The following ADGRB3 variants were observed in gnomAD, a reference collection of about 807,000 sequenced individuals.
ADGRB3 encodes the protein brain-specific angiogenesis inhibitor 3.
A neutral mutation model predicts 193.4 loss-of-function variants in ADGRB3; 37 were observed. The ratio of observed to expected loss-of-function variants is 0.19; its 90% CI spans 0.15 to 0.25. ADGRB3 has a LOEUF of 0.25. Among genes scored for constraint, ADGRB3 ranks in the 10% least tolerant of loss-of-function variants. The pLI is 1.00. For synonymous variants in ADGRB3, 690 were observed against 644.2 expected (o/e 1.07, Z -1.08); for missense variants, 1,637 against 1,852.9 (o/e 0.88, Z 2.14).
intron 13 of ADGRB3, among the ~76,000 whole-genome samples, chr6:69,035,262 A>G (rs7770947): frequency 0.24 from 36,741 of 151,986 alleles, 4,698 homozygotes; most frequent in African/African-American, 0.26. Context: ...TATTGCTGCT[A>G]TTGCCCCTTT....
chr6:69,050,307 A>G (rs1364446945), intron 15 of ADGRB3, among the ~76,000 whole-genome samples: 2 of 152,178 alleles, frequency 1.3e-5, no homozygotes, highest in African/African-American at 4.8e-5. Flanking sequence ...CACGTTATTA[A>G]TATAGGTGGA....
At chr6:69,083,420 A>G (rs528625715) in intron 17 of ADGRB3, among the ~76,000 whole-genome samples, 1 of 152,306 alleles carries the variant, frequency 6.6e-6, no homozygotes, top group South Asian at 2.1e-4. Flanking sequence ...TTGAGAACCT[A>G]TTATTTGTTC....
In ADGRB3 at chr6:69,332,975, G is replaced by A. The variant is rs771704156; in HGVS notation, c.3155G>A (p.Gly1052Glu). ...LVFNKLVSRD[G>E]ILDKKLKHRA... ...TTTAATAAACTTGTTTCCAGAGATGGAATCCTAGATAAAAAGCTCAAACAC... is the reference window on the plus strand; with the variant it reads ...TTTAATAAACTTGTTTCCAGAGATGAAATCCTAGATAAAAAGCTCAAACAC... The change falls in exon 24 of 32, where the codon GGA becomes GAA. Residue 1052 changes from glycine to glutamate, a missense_variant. Physicochemically the swap from Gly to Glu is moderately conservative, Grantham distance 98. This residue lies in a region of ADGRB3 where 56 missense variants were observed against 53.3 expected (regional missense o/e 1.05). Coordinates refer to ENST00000370598, the MANE Select transcript of ADGRB3 (RefSeq NM_001704.3). The A allele has an allele frequency of 9.3e-6, 15 of 1,613,646 alleles. No homozygotes were observed. The African/African-American group carries it at 1.2e-4, about 13-fold the overall frequency.
intron 3 of ADGRB3, among the ~76,000 whole-genome samples, chr6:68,833,028 A>T (rs530213243): frequency 2.6e-5 from 4 of 152,236 alleles, no homozygotes; most frequent in African/African-American, 9.6e-5. Flanking sequence ...TGATCAGCCC[A>T]TTTAAGACAA....
At chr6:68,875,670 G>A (rs1765577590) in intron 3 of ADGRB3, among the ~76,000 whole-genome samples, 1 of 151,888 alleles carries the variant, frequency 6.6e-6, no homozygotes, top group South Asian at 2.1e-4. Flanking sequence ...ACCAGGCCTT[G>A]TAGATCCCAA....
chr6:69,368,052 G>A (rs1054165743), intron 29 of ADGRB3, among the ~76,000 whole-genome samples: 2 of 150,882 alleles, frequency 1.3e-5, no homozygotes, highest in South Asian at 4.2e-4. Context: ...GCTAGATGAC[G>A]AGTTAATGGG....
chr6:68,883,940 G>T (rs573099883), intron 3 of ADGRB3, among the ~76,000 whole-genome samples: 3 of 152,080 alleles, frequency 2.0e-5, no homozygotes, highest in Non-Finnish European at 4.4e-5. Flanking sequence ...TAATTTAAGG[G>T]TACTTCCAAG....
At chr6:68,846,598 G>A (rs1768280467) in intron 3 of ADGRB3, among the ~76,000 whole-genome samples, 1 of 152,206 alleles carries the variant, frequency 6.6e-6, no homozygotes, top group Non-Finnish European at 1.5e-5. Context: ...GGCTTCAGAG[G>A]GTGGAAGCCC....
intron 10 of ADGRB3, among the ~76,000 whole-genome samples, chr6:68,978,742 CTG>C (rs1768821836): frequency 6.6e-6 from 1 of 151,544 alleles, no homozygotes; most frequent in Non-Finnish European, 1.5e-5. Flanking sequence ...AGTTTGGAGA[CTG>C]TGCATTTTTC....
At chr6:68,881,279 A>G (rs930641154) in intron 3 of ADGRB3, among the ~76,000 whole-genome samples, 1 of 152,024 alleles carries the variant, frequency 6.6e-6, no homozygotes, top group Non-Finnish European at 1.5e-5. Flanking sequence ...CCTCCTTCTC[A>G]TATTTTCCGT....
At chr6:68,728,816 G>A (rs1394405898) in intron 3 of ADGRB3, among the ~76,000 whole-genome samples, 2 of 151,474 alleles carry the variant, frequency 1.3e-5, no homozygotes, top group African/African-American at 4.8e-5. Flanking sequence ...CCAGGATCCC[G>A]GAACCTTGCC....
chr6:68,795,383 G>A (rs149028805), intron 3 of ADGRB3, among the ~76,000 whole-genome samples: 28 of 151,942 alleles, frequency 1.8e-4, no homozygotes, highest in African/African-American at 6.3e-4. Context: ...TTATAGAAAA[G>A]CACAGAAATC....
chr6:69,067,441 C>T (rs936911034), intron 16 of ADGRB3, among the ~76,000 whole-genome samples: 1 of 151,986 alleles, frequency 6.6e-6, no homozygotes, highest in African/African-American at 2.4e-5. Flanking sequence ...ACAACTGTAA[C>T]GAATATGCTT....
At chr6:69,042,137 A>G (rs1771091818) in intron 13 of ADGRB3, among the ~76,000 whole-genome samples, 1 of 152,220 alleles carries the variant, frequency 6.6e-6, no homozygotes, top group African/African-American at 2.4e-5. Context: ...TGCCACGTGA[A>G]GAAGGACATG....
At position 69,298,355 on chromosome 6, in the gene ADGRB3, T is replaced by G. The variant is rs564255538; in HGVS notation, c.2815-26517T>G. Among the ~76,000 whole-genome samples the G allele has an allele frequency of 3.3e-5, 5 of 152,142 alleles. No homozygotes were observed. The South Asian group carries it at 1.0e-3, about 32-fold the overall frequency. On this transcript the variant is annotated intron_variant, in intron 20 of 31. Transcript: ENST00000370598. Reference sequence around the variant, plus strand: ...TTATTCTTTTTTTAAGTTTTAATTTTTACGTATATATAATAATTGTATATA... The same window carrying G: ...TTATTCTTTTTTTAAGTTTTAATTTGTACGTATATATAATAATTGTATATA...
chr6:68,639,747 G>T (rs117059134), intron 3 of ADGRB3, among the ~76,000 whole-genome samples: 8 of 151,982 alleles, frequency 5.3e-5, no homozygotes, highest in African/African-American at 1.9e-4. Context: ...TCTTTATTCA[G>T]GCTGCAGCCC....
chr6:69,096,686 C>T (rs982022700), intron 17 of ADGRB3, among the ~76,000 whole-genome samples: 1 of 151,968 alleles, frequency 6.6e-6, no homozygotes, highest in Non-Finnish European at 1.5e-5. Context: ...CTGATATGAC[C>T]CTGTTCTCAT....
At chr6:68,759,635 A>G (rs1309622893) in intron 3 of ADGRB3, among the ~76,000 whole-genome samples, 1 of 152,048 alleles carries the variant, frequency 6.6e-6, no homozygotes, top group Non-Finnish European at 1.5e-5. Context: ...CTTCATATCA[A>G]ATTGGTTCTT....
At chr6:68,749,045 G>T (rs903030802) in intron 3 of ADGRB3, among the ~76,000 whole-genome samples, 1 of 152,110 alleles carries the variant, frequency 6.6e-6, no homozygotes, top group African/African-American at 2.4e-5. Flanking sequence ...ATGTCCCCAG[G>T]CTACACACAG....
Sources: allele counts gnomAD v4.1 joint callset (sites outside exome capture counted in the v4.1 genomes callset), GRCh38; gene constraint gnomAD v4.1.1; regional missense constraint gnomAD v4.1.1; transcripts MANE v1.5; gene names NCBI Gene and HGNC (gene_info 2026-07-23, HGNC 2026-07-21).